AGRN: variants seen among roughly 807,000 people sequenced by gnomAD.
AGRN encodes the protein agrin.
In AGRN, 106 loss-of-function variants were observed where a neutral mutation model predicts 211.0. The ratio of observed to expected loss-of-function variants is 0.50; its 90% CI spans 0.43 to 0.59. AGRN has a LOEUF of 0.59. AGRN is among the 20% of genes least tolerant of loss of function. The pLI, the probability that AGRN is intolerant of heterozygous loss-of-function variation, is 0.00. For missense variants in AGRN, 3,040 were observed against 2,982.6 expected, an observed-to-expected ratio of 1.02 and a Z score of -0.45; for synonymous variants, 1,525 against 1,332.5, an observed-to-expected ratio of 1.14 and a Z score of -3.15.
intron 33 of AGRN, chr1:1,052,251 C>T: frequency 2.7e-6 from 1 of 373,534 alleles, no homozygotes; most frequent in Non-Finnish European, 5.2e-6. Flanking sequence ...GCTGTACACA[C>T]CTGTGCGCAT....
At chr1:1,027,916 G>T (rs1053946351) in intron 2 of AGRN, among the ~76,000 whole-genome samples, 1 of 152,210 alleles carries the variant, frequency 6.6e-6, no homozygotes, top group African/African-American at 2.4e-5. Flanking sequence ...AGGCTCCCAC[G>T]CACCCCCCGC....
Position 1,046,776 on chromosome 1 carries a change from C to T in AGRN, c.3250+41C>T, listed in dbSNP as rs577034599. 200 of 1,571,798 alleles carry T rather than the reference C, an allele frequency of 1.3e-4. No individual in the cohort carries two copies. In the Admixed American group the frequency reaches 1.4e-3, roughly 11 times the overall value. On this transcript the variant is annotated intron_variant, in intron 18 of 35. Coordinates refer to ENST00000379370, the MANE Select transcript of AGRN (RefSeq NM_198576.4). ...GGACTTGGGGTGGGTGGGCAGGCGCCGAGAGGCTCCACCAGAGCCTGGGCT... is the reference window on the plus strand; with the variant it reads ...GGACTTGGGGTGGGTGGGCAGGCGCTGAGAGGCTCCACCAGAGCCTGGGCT...
rs1441488678 is a variant in AGRN at position 1,046,423 on chromosome 1, A to T, written c.2938A>T (p.Thr980Ser). ...QEAVAPSTHP[T>S]SASVTVTTPG... is the part of the protein sequence containing the mutation. ...GGCTGTTGCTCCCAGCACTCACCCGACATCTGCCTCCGTGACTGTGACCAC... is the reference window on the plus strand; with the variant it reads ...GGCTGTTGCTCCCAGCACTCACCCGTCATCTGCCTCCGTGACTGTGACCAC... Residue 980 changes from threonine (T) to serine (S), a missense_variant, in exon 18 of 36, where the codon ACA becomes TCA. Thr to Ser is a moderately conservative substitution (Grantham distance 58). Around this residue, in one of 3 missense-constraint regions of AGRN, gnomAD observed 1,498 missense variants for 1,457.8 expected, o/e 1.03. Transcript: ENST00000379370. 1 of 1,612,038 alleles carries T rather than the reference A, an allele frequency of 6.2e-7. No homozygotes were observed. Among genetic ancestry groups the T allele is most frequent in the Non-Finnish European group, 8.5e-7 (1 of 1,179,756 alleles).
At position 1,048,636 on chromosome 1, in the gene AGRN, G is replaced by T; in HGVS notation, c.4106-231G>T. Reference sequence around the variant, plus strand: ...AAATACAAAATTAGCCGGGCGTGGTGGTGGGCGCCTGTAATCCCACCTCGT... The same window carrying T: ...AAATACAAAATTAGCCGGGCGTGGTTGTGGGCGCCTGTAATCCCACCTCGT... On this transcript the variant is annotated intron_variant, in intron 23 of 35. Coordinates refer to ENST00000379370, the MANE Select transcript of AGRN (RefSeq NM_198576.4). This position sits in a 1 kb window ranked among gnomAD's most constrained non-coding sequence, Gnocchi z 5.9. 1.6e-6 allele frequency: 1 copy of T among 607,028 alleles called. No homozygotes were observed. Among genetic ancestry groups the T allele is most frequent in the Non-Finnish European group, 2.8e-6 (1 of 354,526 alleles). 37.6% of individuals were successfully genotyped at this position (607,028 alleles called of 1,614,324 possible).
Position 1,048,913 on chromosome 1 carries a change from C to T in AGRN, c.4152C>T (p.Ala1384=), listed in dbSNP as rs1484918068. ...CCTTCGAGGGCCGCTCCTTCCTGGC[C>T]TTCCCCACTCTCCGCGCCTACCACA... ...VPAFEGRSFL[A]FPTLRAYHTL... Residue 1384 remains alanine (A), a synonymous_variant, in exon 24 of 36, where the codon GCC becomes GCT. Coordinates refer to ENST00000379370, the MANE Select transcript of AGRN (RefSeq NM_198576.4). This position sits in a 1 kb window ranked among gnomAD's most constrained non-coding sequence, Gnocchi z 5.9. 6.4e-7 allele frequency: 1 copy of T among 1,555,834 alleles called. No homozygotes were observed.
Position 1,049,880 on chromosome 1 carries a change from C to T in AGRN, c.4745-23C>T, listed in dbSNP as rs375895694. 218 of 1,611,096 alleles carry T rather than the reference C, an allele frequency of 1.4e-4. No individual in the cohort carries two copies. The African/African-American group carries it at 1.5e-3, about 11-fold the overall frequency. On this transcript the variant is annotated intron_variant, in intron 26 of 35. Coordinates refer to ENST00000379370, the MANE Select transcript of AGRN (RefSeq NM_198576.4). The stretch of plus-strand genomic sequence containing the variant: ...CCGACGCCTCCTGGGACCTCGGTCC[C>T]GGTCCCGTCTTCCTCCATCCAGGAC...
chr1:1,029,346 G>A lies in AGRN; in HGVS notation c.464-5931G>A, dbSNP rs566239013. ...AGGGACAAAATTAATGTTGCACAAA[G>A]ATATGGGGGATGCCCAATATCTATG... On this transcript the variant is annotated intron_variant, in intron 2 of 35. Coordinates refer to ENST00000379370, the MANE Select transcript of AGRN (RefSeq NM_198576.4). Among the ~76,000 whole-genome samples the A allele has an allele frequency of 1.8e-3, 266 of 149,746 alleles. 1 individual carries two copies. The highest frequency in any genetic ancestry group is 6.3e-3 in the African/African-American group (258 of 40,838).
chr1:1,039,411 T>TGG (rs36095704), intron 3 of AGRN, among the ~76,000 whole-genome samples: 78,731 of 148,300 alleles, frequency 0.53, 22,111 homozygotes, highest in East Asian at 0.81. Context: ...TCCTTGGAGA[T>TGG]GGGGGGGGTT....
chr1:1,025,516 G>A (rs562162324), intron 2 of AGRN, among the ~76,000 whole-genome samples: 1 of 152,198 alleles, frequency 6.6e-6, no homozygotes, highest in African/African-American at 2.4e-5. Flanking sequence ...GCTGGGGCCA[G>A]CCCCCTCTCC....
Position 1,025,056 on chromosome 1 carries a change from G to A in AGRN, c.463+2594G>A, listed in dbSNP as rs1354343764. Among the ~76,000 whole-genome samples, 3 of 152,134 alleles carry A rather than the reference G, an allele frequency of 2.0e-5. No homozygotes were observed. In the East Asian group the frequency reaches 5.8e-4, roughly 29 times the overall value. On this transcript the variant is annotated intron_variant, in intron 2 of 35. Transcript: ENST00000379370. ...CCACCTCACAAAGGCTGGTCCTAGA[G>A]CCTCCCTGAAGCCCCCAGGAGGGAC...
At chr1:1,047,927 T>C (rs1362228729) in intron 22 of AGRN, 32 bp downstream of exon 22, 1 of 1,602,116 alleles carries the variant, frequency 6.2e-7, no homozygotes, top group South Asian at 1.1e-5. Context: ...ACAGCTTACC[T>C]GCCCCCTCCT....
intron 2 of AGRN, 96 bp downstream of exon 2, chr1:1,022,558 C>A: frequency 2.0e-6 from 2 of 1,000,536 alleles, no homozygotes; most frequent in South Asian, 1.6e-5. Context: ...TCCTTTCGTG[C>A]TGTGCCGGAG....
chr1:1,051,825 C>T lies in AGRN; in HGVS notation c.5651+10C>T. ...ACGCTGTGACCGAGAGGTAACGTGCCATCCTCTGCTGGCTGTCGGTTCCAT... is the reference window on the plus strand; with the variant it reads ...ACGCTGTGACCGAGAGGTAACGTGCTATCCTCTGCTGGCTGTCGGTTCCAT... On this transcript the variant is annotated intron_variant, in intron 33 of 35. Coordinates refer to ENST00000379370, the MANE Select transcript of AGRN (RefSeq NM_198576.4). 1.2e-6 allele frequency: 2 copies of T among 1,613,444 alleles called. No individual in the cohort carries two copies. Among genetic ancestry groups the T allele is most frequent in the Non-Finnish European group, 1.7e-6 (2 of 1,179,894 alleles).
At position 1,049,440 on chromosome 1, in the gene AGRN, CCA is replaced by C; in HGVS notation, c.4504_4505del (p.Gln1502GlyfsTer86). 6.3e-7 allele frequency: 1 copy of C among 1,599,666 alleles called. No homozygotes were observed. Among genetic ancestry groups the C allele is most frequent in the Non-Finnish European group, 8.5e-7 (1 of 1,179,708 alleles). On this transcript the variant is annotated frameshift_variant, in exon 25 of 36. Coordinates refer to ENST00000379370, the MANE Select transcript of AGRN (RefSeq NM_198576.4). LOFTEE classifies it high-confidence loss of function. ...DLFVGGVPEDQAAVALERTFV... is the reference protein window; with the variant it reads ...DLFVGGVPEDXAAVALERTFV... ...TCTTTGTGGGCGGCGTACCCGAGGA[CCA>C]GGCTGCCGTGTGAGTCCCTTGGAGG...
In AGRN at chr1:1,046,398, G is replaced by A. The variant is rs1372362266; in HGVS notation, c.2913G>A (p.Glu971=). 15 of 1,611,512 alleles carry A rather than the reference G, an allele frequency of 9.3e-6. No homozygotes were observed. The Admixed American group carries it at 2.2e-4, about 23-fold the overall frequency. Reference sequence around the variant, plus strand: ...CCGCCAACCTCCCTCTCCTTGCAGAGGCTGTTGCTCCCAGCACTCACCCGA... The same window carrying A: ...CCGCCAACCTCCCTCTCCTTGCAGAAGCTGTTGCTCCCAGCACTCACCCGA... ...ISIQSLGPCQ[E]AVAPSTHPTS... is the part of the protein sequence containing the mutation. Residue 971 remains glutamate (E), a splice_region_variant and synonymous_variant, in exon 18 of 36, where the codon GAG becomes GAA. Transcript: ENST00000379370.
chr1:1,048,957 A>C lies in AGRN; in HGVS notation c.4196A>C (p.Glu1399Ala). Reference sequence around the variant, plus strand: ...TACCACACGCTGCGCCTGGCACTGGAATTCCGGGCGCTGGAGCCTCAGGGG... The same window carrying C: ...TACCACACGCTGCGCCTGGCACTGGCATTCCGGGCGCTGGAGCCTCAGGGG... ...RAYHTLRLALEFRALEPQGLL... is the reference protein window; with the variant it reads ...RAYHTLRLALAFRALEPQGLL... The change falls in exon 24 of 36, where the codon GAA (glutamate) becomes GCA (alanine). Residue 1399 changes from glutamate (E) to alanine (A), a missense_variant. By Grantham distance (107) the Glu-to-Ala change is moderately radical. Around this residue, in one of 3 missense-constraint regions of AGRN, gnomAD observed 1,537 missense variants for 1,505.0 expected, o/e 1.02. Coordinates refer to ENST00000379370, the MANE Select transcript of AGRN (RefSeq NM_198576.4). The surrounding 1 kb of genome is among the most constrained non-coding windows in gnomAD (Gnocchi z 5.9). 6.4e-7 allele frequency: 1 copy of C among 1,571,106 alleles called. No individual in the cohort carries two copies. The highest frequency in any genetic ancestry group is 8.6e-7 in the Non-Finnish European group (1 of 1,159,806).
chr1:1,044,408 G>T lies in AGRN; in HGVS notation c.2223G>T (p.Gly741=). 1.2e-6 allele frequency: 2 copies of T among 1,611,888 alleles called. No homozygotes were observed. Among genetic ancestry groups the T allele is most frequent in the Non-Finnish European group, 1.7e-6 (2 of 1,179,450 alleles). Residue 741 remains glycine (G), a synonymous_variant, in exon 12 of 36, where the codon GGG becomes GGT. Coordinates refer to ENST00000379370, the MANE Select transcript of AGRN (RefSeq NM_198576.4). ...AGGCCAGGTGTGAGTCACAGCGAGGGCTCTACGTAGCGGCCCAGGGAGCCT... is the reference window on the plus strand; with the variant it reads ...AGGCCAGGTGTGAGTCACAGCGAGGTCTCTACGTAGCGGCCCAGGGAGCCT... ...LKKARCESQR[G]LYVAAQGACR... is the part of the protein sequence containing the mutation.
At chr1:1,034,669 G>A in intron 2 of AGRN, 1 of 988,936 alleles carries the variant, frequency 1.0e-6, no homozygotes, top group East Asian at 1.1e-4. Flanking sequence ...CCACCGCCAC[G>A]CTCGGCTTCG....
Position 1,049,719 on chromosome 1 carries a change from C to T in AGRN, c.4668C>T (p.Asn1556=), listed in dbSNP as rs1243035446. ...GCGGGGACCACCCCTGCCTGCCCAA[C>T]CCCTGCCATGGCGGGGCCCCATGCC... ...GECGDHPCLP[N]PCHGGAPCQN... is the part of the protein sequence containing the mutation. The change falls in exon 26 of 36, where the codon AAC becomes AAT. Residue 1556 remains asparagine (N), a synonymous_variant. Coordinates refer to ENST00000379370, the MANE Select transcript of AGRN (RefSeq NM_198576.4). The T allele has an allele frequency of 6.3e-7, 1 of 1,583,612 alleles. No individual in the cohort carries two copies.
Sources: allele counts gnomAD v4.1 joint callset (sites outside exome capture counted in the v4.1 genomes callset), GRCh38; gene constraint gnomAD v4.1.1; regional missense constraint gnomAD v4.1.1; non-coding constraint Gnocchi (gnomAD v3.1); transcripts MANE v1.5; gene names NCBI Gene and HGNC (gene_info 2026-07-23, HGNC 2026-07-21).